Variants in SLC25A53 observed in about 807,000 individuals in gnomAD.
SLC25A53 encodes the protein mitochondrial carrier triple repeat protein 6.
SLC25A53 carries 5 observed loss-of-function variants against 15.0 expected under a neutral mutation model. The ratio of observed to expected loss-of-function variants is 0.33; its 90% CI spans 0.17 to 0.70. The LOEUF is 0.70. SLC25A53 is among the 30% of genes least tolerant of loss of function. SLC25A53 has a pLI of 0.67. For missense variants in SLC25A53, 216 were observed against 241.6 expected, an observed-to-expected ratio of 0.89 and a Z score of 0.70; for synonymous variants, 95 against 100.0, an observed-to-expected ratio of 0.95 and a Z score of 0.30.
chrX:104,114,035 T>G (rs1245967158), intron 1 of SLC25A53: 4 of 1,194,066 alleles, frequency 3.3e-6, no homozygotes, highest in African/African-American at 3.5e-5. Context: ...AACGTTGCTT[T>G]GGAGAATCCT....
chrX:104,121,281 C>A (rs1360821396), intron 1 of SLC25A53, among the ~76,000 whole-genome samples: 2 of 112,139 alleles, frequency 1.8e-5, no homozygotes. Context: ...GCATTAAATC[C>A]AATTATTTAC....
At chrX:104,129,373 A>G (rs2075419253) in intron 1 of SLC25A53, among the ~76,000 whole-genome samples, 1 of 111,645 alleles carries the variant, frequency 9.0e-6, no homozygotes, top group African/African-American at 3.3e-5. Context: ...AGCCTATCTA[A>G]CACATGTATT....
intron 1 of SLC25A53, among the ~76,000 whole-genome samples, chrX:104,133,601 C>A (rs1284107827): frequency 8.9e-6 from 1 of 111,781 alleles, no homozygotes; most frequent in African/African-American, 3.3e-5. Context: ...CCAGCACACA[C>A]AGAAACCCTA....
chrX:104,145,056 T>A (rs782683416), intron 1 of SLC25A53, among the ~76,000 whole-genome samples: 1 of 111,962 alleles, frequency 8.9e-6, no homozygotes, highest in Non-Finnish European at 1.9e-5. Flanking sequence ...ACCACATAGT[T>A]GGAAGTAAAA....
At chrX:104,119,433 TAA>T (rs1290957288) in intron 1 of SLC25A53, among the ~76,000 whole-genome samples, 1 of 111,082 alleles carries the variant, frequency 9.0e-6, no homozygotes, top group East Asian at 2.8e-4. Context: ...TTAACAGAAA[TAA>T]AATACCAACA....
rs782397514 is a variant in SLC25A53 at position 104,099,758 on chromosome X, G to A, written c.*4576C>T. On this transcript the variant is annotated 3_prime_UTR_variant, in exon 2 of 2. Coordinates refer to ENST00000594199, the MANE Select transcript of SLC25A53 (RefSeq NM_001012755.5). ...TGGAGGGAGCGGTGTCATCAGTGGT[G>A]GGGGGAGAAGAGTAGGTTATTAAAG... 4.5e-5 allele frequency: 5 copies of A among 111,818 alleles called. No homozygotes were observed. The East Asian group carries it at 1.4e-3, about 31-fold the overall frequency. 9.2% of individuals were successfully genotyped at this position (111,818 alleles called of 1,213,427 possible).
chrX:104,150,949 G>A (rs1158941553), intron 1 of SLC25A53, among the ~76,000 whole-genome samples: 4 of 111,258 alleles, frequency 3.6e-5, no homozygotes, highest in African/African-American at 6.5e-5. Flanking sequence ...TAAGGACCTC[G>A]CATAAGAAAA....
intron 1 of SLC25A53, among the ~76,000 whole-genome samples, chrX:104,151,431 C>T (rs1837581179): frequency 9.0e-6 from 1 of 111,617 alleles, no homozygotes; most frequent in South Asian, 3.8e-4. Context: ...GTGACATTAT[C>T]ATTACCCTTT....
Position 104,102,273 on chromosome X carries a change from C to T in SLC25A53, c.*2061G>A, listed in dbSNP as rs1448203462. 1 of 112,063 alleles carries T rather than the reference C, an allele frequency of 8.9e-6. No individual in the cohort carries two copies. Among genetic ancestry groups the T allele is most frequent in the Non-Finnish European group, 1.9e-5 (1 of 53,268 alleles). 9.2% of individuals were successfully genotyped at this position (112,063 alleles called of 1,213,427 possible). ...TCAGTAAGGAGATGCAAGAGGAGGGCATTACTAAGATATCTGTAGGGGGAA... is the reference window on the plus strand; with the variant it reads ...TCAGTAAGGAGATGCAAGAGGAGGGTATTACTAAGATATCTGTAGGGGGAA... On this transcript the variant is annotated 3_prime_UTR_variant, in exon 2 of 2. Coordinates refer to ENST00000594199, the MANE Select transcript of SLC25A53 (RefSeq NM_001012755.5).
intron 1 of SLC25A53, among the ~76,000 whole-genome samples, chrX:104,154,529 C>T (rs1224974625): frequency 2.7e-5 from 3 of 112,587 alleles, no homozygotes; most frequent in Middle Eastern, 4.6e-3. Context: ...GATATCTGTA[C>T]TCTTATGTTC....
intron 1 of SLC25A53, among the ~76,000 whole-genome samples, chrX:104,150,828 G>A (rs782467605): frequency 4.5e-5 from 5 of 111,356 alleles, no homozygotes; most frequent in South Asian, 3.8e-4. Context: ...GCACCACAGC[G>A]CCCATGGTGT....
rs2075273746 is a variant in SLC25A53, at chrX:104,099,968, CAG to C, written c.*4364_*4365del. On this transcript the variant is annotated 3_prime_UTR_variant, in exon 2 of 2. Coordinates refer to ENST00000594199, the MANE Select transcript of SLC25A53 (RefSeq NM_001012755.5). ...GGAAAGGAAGATGATATGAAAGAAC[CAG>C]AGACACTGGAGAGTGAACAGACTAG... 1 of 111,629 alleles carries C rather than the reference CAG, an allele frequency of 9.0e-6. No individual in the cohort carries two copies. The highest frequency in any genetic ancestry group is 2.8e-4 in the East Asian group (1 of 3,586). 9.2% of individuals were successfully genotyped at this position (111,629 alleles called of 1,213,427 possible).
At chrX:104,130,074 CG>C (rs2075421864) in intron 1 of SLC25A53, among the ~76,000 whole-genome samples, 1 of 110,874 alleles carries the variant, frequency 9.0e-6, no homozygotes, top group Admixed American at 9.7e-5. Context: ...TATCAGCACG[CG>C]GAAGTCTGCA....
chrX:104,115,099 A>G, intron 1 of SLC25A53: 1 of 1,201,638 alleles, frequency 8.3e-7, no homozygotes, highest in Non-Finnish European at 1.1e-6. Flanking sequence ...TTCTGGGTAT[A>G]AGAATGATGG....
chrX:104,125,332 C>T (rs1312697128), intron 1 of SLC25A53, among the ~76,000 whole-genome samples: 3 of 111,648 alleles, frequency 2.7e-5, no homozygotes, highest in Non-Finnish European at 5.6e-5. Flanking sequence ...ATATTGTCTG[C>T]TGTGCTAAAA....
In SLC25A53 at chrX:104,103,106, C is replaced by T. The variant is rs1328644930; in HGVS notation, c.*1228G>A. On this transcript the variant is annotated 3_prime_UTR_variant, in exon 2 of 2. Coordinates refer to ENST00000594199, the MANE Select transcript of SLC25A53 (RefSeq NM_001012755.5). ...GAGCTGAGATCACACCATTGGCACT[C>T]CAGCCTGGGCAACAAGAGCGAAACT... 1 of 106,106 alleles carries T rather than the reference C, an allele frequency of 9.4e-6. No homozygotes were observed. Among genetic ancestry groups the T allele is most frequent in the Non-Finnish European group, 1.9e-5 (1 of 51,775 alleles). The allele number at this position is 106,106 out of a possible 1,213,427, so 8.7% of individuals were successfully genotyped here.
intron 1 of SLC25A53, among the ~76,000 whole-genome samples, chrX:104,111,219 T>C (rs2075340736): frequency 1.8e-5 from 2 of 112,218 alleles, no homozygotes; most frequent in South Asian, 7.3e-4. Context: ...TCTTCACCCC[T>C]AGTCCTACTA....
intron 1 of SLC25A53, among the ~76,000 whole-genome samples, chrX:104,130,118 G>C (rs115879454): frequency 0.039 from 4,282 of 110,846 alleles, 177 homozygotes; most frequent in African/African-American, 0.13. Context: ...TGACGTTTTG[G>C]TACAAACTGC....
chrX:104,136,863 T>C (rs1375899540), intron 1 of SLC25A53, among the ~76,000 whole-genome samples: 1 of 112,079 alleles, frequency 8.9e-6, no homozygotes, highest in African/African-American at 3.3e-5. Context: ...GTGTCGTACC[T>C]AGAACAGACA....
Sources: gnomAD v4.1 joint callset for allele counts (sites outside exome capture counted in the v4.1 genomes callset) on GRCh38, gnomAD v4.1.1 for gene constraint, MANE v1.5 for transcripts, NCBI Gene and HGNC (gene_info 2026-07-23, HGNC 2026-07-21) for gene names.